Variants in FLII observed in about 807,000 individuals in gnomAD.
FLII encodes the protein FLII actin remodeling protein, also known as protein flightless-1 homolog.
FLII carries 101 observed loss-of-function variants against 156.2 expected under a neutral mutation model. That is an observed-to-expected ratio of 0.65 (90% CI 0.55 to 0.76). The LOEUF is 0.76. FLII is among the 30% of genes least tolerant of loss of function. The probability of loss-of-function intolerance (pLI) is 0.00; values close to 1 mark genes in which losing one functional copy is unlikely to be tolerated. For synonymous variants in FLII, 767 were observed against 685.8 expected (o/e 1.12, Z -1.85); for missense variants, 1,675 against 1,682.8 (o/e 1.00, Z 0.08).
Position 18,253,679 on chromosome 17 carries a change from C to G in FLII, c.720G>C (p.Glu240Asp). The change falls in exon 8 of 30, where the codon GAG (glutamate) becomes GAC (aspartate). Residue 240 changes from glutamate to aspartate, a missense_variant. Glu to Asp is a conservative substitution (Grantham distance 45). Around this residue, in one of 2 missense-constraint regions of FLII, gnomAD observed 343 missense variants for 413.5 expected, o/e 0.83. Coordinates refer to ENST00000327031, the MANE Select transcript of FLII (RefSeq NM_002018.4). ...GCAGGCTGGGGAGGGTGTACAGACA[C>G]TCGGGCACCCGTGTCAGGTCATTGC... Reference protein sequence around the residue: ...LSCNDLTRVPECLYTLPSLRR... With the variant: ...LSCNDLTRVPDCLYTLPSLRR... 1 of 1,613,544 alleles carries G rather than the reference C, an allele frequency of 6.2e-7. No individual in the cohort carries two copies. The highest frequency in any genetic ancestry group is 8.5e-7 in the Non-Finnish European group (1 of 1,179,974).
chr17:18,253,454 G>T lies in FLII; in HGVS notation c.860C>A (p.Ala287Asp), dbSNP rs776558819. 1.9e-6 allele frequency: 3 copies of T among 1,613,870 alleles called. No individual in the cohort carries two copies. In the Admixed American group the frequency reaches 5.0e-5, roughly 27 times the overall value. Residue 287 changes from alanine to aspartate, a missense_variant, in exon 9 of 30, where the codon GCC becomes GAC. Physicochemically the swap from Ala to Asp is moderately radical, Grantham distance 126. Transcript: ENST00000327031. ...CTTCAGCTTGCTCAGCTTGCAAATG[G>T]CTGACTGGAGGGGGAACGGGCAGGG... ...SRNQLTSLPS[A>D]ICKLSKLKKL...
At chr17:18,257,427 C>A (rs1314001796) in intron 1 of FLII, among the ~76,000 whole-genome samples, 1 of 152,240 alleles carries the variant, frequency 6.6e-6, no homozygotes, top group African/African-American at 2.4e-5. Flanking sequence ...CCTCATCCTG[C>A]CATCAGCACA....
In FLII at chr17:18,245,198, C is replaced by T; in HGVS notation, c.3750G>A (p.Glu1250=). The part of the protein sequence containing the change: ...RRLRLVRKGN[E]QHAFTRCFHA... ...GGAAGCAGCGGGTAAAGGCGTGCTG[C>T]TCATTGCCCTTGCGGACCAGGCGCA... is the stretch of plus-strand genomic sequence containing the variant. The change falls in exon 30 of 30, where the codon GAG becomes GAA. Residue 1250 remains glutamate, a synonymous_variant. Transcript: ENST00000327031. 3.1e-6 allele frequency: 5 copies of T among 1,613,980 alleles called. No homozygotes were observed. The highest frequency in any genetic ancestry group is 4.2e-6 in the Non-Finnish European group (5 of 1,179,974).
chr17:18,247,479 C>T (rs1295537459), intron 20 of FLII, 122 bp from the exon 21 acceptor site: 2 of 1,115,918 alleles, frequency 1.8e-6, no homozygotes, highest in African/African-American at 1.6e-5. Context: ...GGCGGGGCCT[C>T]GGACACGGAG....
Position 18,246,393 on chromosome 17 carries a change from G to C in FLII, c.3121C>G (p.His1041Asp). 1 of 1,614,014 alleles carries C rather than the reference G, an allele frequency of 6.2e-7. No individual in the cohort carries two copies. The highest frequency in any genetic ancestry group is 8.5e-7 in the Non-Finnish European group (1 of 1,180,000). The part of the protein sequence containing the change: ...LSHFKRKFII[H>D]RGKRKAVQGA... ...TGGACCGCCTTCCTCTTGCCCCGGT[G>C]GATGATGAACTTCCTCTTGAAATGG... is the stretch of plus-strand genomic sequence containing the variant. Residue 1041 changes from histidine to aspartate, a missense_variant, in exon 24 of 30, where the codon CAC (histidine) becomes GAC (aspartate). His to Asp is a moderately conservative substitution (Grantham distance 81). Coordinates refer to ENST00000327031, the MANE Select transcript of FLII (RefSeq NM_002018.4).
rs756957111 is a variant in FLII at position 18,246,798 on chromosome 17, C to T, written c.2847G>A (p.Glu949=). 3 of 1,613,760 alleles carry T rather than the reference C, an allele frequency of 1.9e-6. No homozygotes were observed. The highest frequency in any genetic ancestry group is 2.7e-5 in the African/African-American group (2 of 74,902). Residue 949 remains glutamate, a synonymous_variant, in exon 23 of 30, where the codon GAG becomes GAA. Transcript: ENST00000327031. The part of the protein sequence containing the change: ...RYWVPVEYEE[E]EKKEDKEEKA... ...TCTCCTCCTTGTCTTCCTTCTTTTCCTCCTCCTCGTACTCCACAGGCACCC... is the reference window on the plus strand; with the variant it reads ...TCTCCTCCTTGTCTTCCTTCTTTTCTTCCTCCTCGTACTCCACAGGCACCC...
chr17:18,257,809 A>C (rs976597151), intron 1 of FLII, among the ~76,000 whole-genome samples: 4 of 152,160 alleles, frequency 2.6e-5, no homozygotes, highest in African/African-American at 9.7e-5. Flanking sequence ...CCAGCCCCAG[A>C]CCAACAACCC....
chr17:18,257,202 C>G (rs1424719039), intron 1 of FLII, 183 bp from the exon 2 acceptor site: 6 of 551,348 alleles, frequency 1.1e-5, no homozygotes, highest in South Asian at 6.9e-5. Context: ...TTTAAGCCCC[C>G]CCGTGACAAA....
chr17:18,247,406 G>C, intron 20 of FLII, 49 bp from the exon 21 acceptor site: 2 of 1,515,856 alleles, frequency 1.3e-6, no homozygotes, highest in East Asian at 2.3e-5. Flanking sequence ...CATGATTAGA[G>C]TTGGAGGAAG....
chr17:18,256,264 A>C (rs983473100), intron 3 of FLII, among the ~76,000 whole-genome samples: 4 of 152,378 alleles, frequency 2.6e-5, no homozygotes, highest in Admixed American at 2.6e-4. Context: ...TTATTACTGT[A>C]GTTATTGTCC....
chr17:18,252,502 T>C lies in FLII; in HGVS notation c.1068A>G (p.Pro356=). The C allele has an allele frequency of 6.2e-7, 1 of 1,613,770 alleles. No homozygotes were observed. Among genetic ancestry groups the C allele is most frequent in the Non-Finnish European group, 8.5e-7 (1 of 1,180,004 alleles). Residue 356 remains proline (P), a synonymous_variant, in exon 10 of 30, where the codon CCA becomes CCG. Coordinates refer to ENST00000327031, the MANE Select transcript of FLII (RefSeq NM_002018.4). ...TCTCCGTCAGGAAATGGATGGCTTC[T>C]GGGAGGGTCACCAGGTGGTTCTTGT... ...VLNKNHLVTL[P]EAIHFLTEIE...
At position 18,245,235 on chromosome 17, in the gene FLII, C is replaced by A; in HGVS notation, c.3713G>T (p.Arg1238Leu). ...IQHMRSKEHE[R>L]PRRLRLVRKG... is the part of the protein sequence containing the mutation. Reference sequence around the variant, plus strand: ...GCGGACCAGGCGCAGCCGGCGCGGCCGCTCATGTTCCTTGGACCGCATGTG... The same window carrying A: ...GCGGACCAGGCGCAGCCGGCGCGGCAGCTCATGTTCCTTGGACCGCATGTG... The change falls in exon 30 of 30, where the codon CGG becomes CTG. Residue 1238 changes from arginine to leucine, a missense_variant. Physicochemically the swap from Arg to Leu is moderately radical, Grantham distance 102. Around this residue, in one of 2 missense-constraint regions of FLII, gnomAD observed 1,332 missense variants for 1,269.3 expected, o/e 1.05. Transcript: ENST00000327031. The A allele has an allele frequency of 6.2e-7, 1 of 1,613,790 alleles. No homozygotes were observed.
At chr17:18,253,983 A>C in intron 7 of FLII, 96 bp downstream of exon 7, 1 of 918,102 alleles carries the variant, frequency 1.1e-6, no homozygotes, top group Non-Finnish European at 1.6e-6. Flanking sequence ...CCCTCTGGGT[A>C]TTGGTCCGAA....
Position 18,258,314 on chromosome 17 carries a change from G to T in FLII, c.63+314C>A. 1 of 576,036 alleles carries T rather than the reference G, an allele frequency of 1.7e-6. No individual in the cohort carries two copies. Among genetic ancestry groups the T allele is most frequent in the Non-Finnish European group, 2.9e-6 (1 of 345,472 alleles). 35.7% of individuals were successfully genotyped at this position (576,036 alleles called of 1,614,324 possible). On this transcript the variant is annotated intron_variant, in intron 1 of 29. Transcript: ENST00000327031. The surrounding 1 kb of genome is among the most constrained non-coding windows in gnomAD (Gnocchi z 4.2). ...TGACCTCAGAGGGGCGGGGAGGCTC[G>T]CCCGATCCCCAGGCCACCATCCAGC...
Position 18,256,938 on chromosome 17 carries a change from G to T in FLII, c.145C>A (p.Pro49Thr). 1 of 1,611,262 alleles carries T rather than the reference G, an allele frequency of 6.2e-7. No homozygotes were observed. The highest frequency in any genetic ancestry group is 8.5e-7 in the Non-Finnish European group (1 of 1,178,922). ...KLNRTGLCYL[P>T]EELAALQKLE... ...TTCTGCAGGGCGGCCAGCTCCTCGG[G>T]CAGGTAGCAGAGGCCAGTGCGGTTC... is the stretch of plus-strand genomic sequence containing the variant. Residue 49 changes from proline (P) to threonine (T), a missense_variant, in exon 2 of 30, where the codon CCC becomes ACC. By Grantham distance (38) the Pro-to-Thr change is conservative. Around this residue, in one of 2 missense-constraint regions of FLII, gnomAD observed 343 missense variants for 413.5 expected, o/e 0.83. Coordinates refer to ENST00000327031, the MANE Select transcript of FLII (RefSeq NM_002018.4).
chr17:18,250,644 C>G (rs2048231850), intron 14 of FLII, among the ~76,000 whole-genome samples, 194 bp downstream of exon 14: 1 of 152,176 alleles, frequency 6.6e-6, no homozygotes, highest in Non-Finnish European at 1.5e-5. Flanking sequence ...CCTTTGCTGA[C>G]CCAGGCTTTG....
upstream of FLII, chr17:18,258,808 G>A (rs12103531): frequency 3.6e-6 from 2 of 562,214 alleles, no homozygotes; most frequent in Admixed American, 4.9e-5. The surrounding 1 kb of genome is among the most constrained non-coding windows in gnomAD (Gnocchi z 4.2). Context: ...CGCGCCCGCC[G>A]CATTCCGCGG....
chr17:18,253,384 G>T lies in FLII; in HGVS notation c.930C>A (p.Pro310=), dbSNP rs1390007579. Residue 310 remains proline (P), a synonymous_variant, in exon 9 of 30, where the codon CCC becomes CCA. Transcript: ENST00000327031. ...GGTTGGTGAGCTTGCCAATGCCTGA[G>T]GGCAGCCCGTCAAAGTCCAGCTTGT... is the stretch of plus-strand genomic sequence containing the variant. ...NSNKLDFDGL[P]SGIGKLTNLE... is the part of the protein sequence containing the mutation. The T allele has an allele frequency of 6.2e-7, 1 of 1,613,944 alleles. No individual in the cohort carries two copies. The highest frequency in any genetic ancestry group is 8.5e-7 in the Non-Finnish European group (1 of 1,180,024).
chr17:18,245,041 G>A lies in FLII; in HGVS notation c.*97C>T. On this transcript the variant is annotated 3_prime_UTR_variant, in exon 30 of 30. Transcript: ENST00000327031. Reference sequence around the variant, plus strand: ...GGGGACTGTGGCACTGGACGTGGCTGGAGCAGGTGGTGTCACCTGAGTACA... The same window carrying A: ...GGGGACTGTGGCACTGGACGTGGCTAGAGCAGGTGGTGTCACCTGAGTACA... The A allele has an allele frequency of 2.2e-6, 3 of 1,359,928 alleles. No homozygotes were observed. Among genetic ancestry groups the A allele is most frequent in the Non-Finnish European group, 3.0e-6 (3 of 985,560 alleles). The allele number at this position is 1,359,928 out of a possible 1,614,324, so 84.2% of individuals were successfully genotyped here.
Sources: gnomAD v4.1 joint callset for allele counts (sites outside exome capture counted in the v4.1 genomes callset) on GRCh38, gnomAD v4.1.1 for gene constraint, gnomAD v4.1.1 regional missense constraint, Gnocchi (gnomAD v3.1) non-coding constraint, MANE v1.5 for transcripts, NCBI Gene and HGNC (gene_info 2026-07-23, HGNC 2026-07-21) for gene names.